ACACB: variants seen among roughly 807,000 people sequenced by gnomAD.
ACACB encodes acetyl-CoA carboxylase 2.
ACACB carries 209 observed loss-of-function variants against 278.8 expected under a neutral mutation model. The ratio of observed to expected loss-of-function variants is 0.75; its 90% CI spans 0.67 to 0.84. The LOEUF is 0.84. Ranked by LOEUF, ACACB falls within the 40% of genes least tolerant of loss-of-function variation. The pLI, the probability that ACACB is intolerant of heterozygous loss-of-function variation, is 0.00. For synonymous variants in ACACB, 1,174 were observed against 1,285.6 expected (o/e 0.91, Z 1.86); for missense variants, 2,850 against 3,269.0 (o/e 0.87, Z 3.13).
At position 109,144,750 on chromosome 12, in the gene ACACB, C is replaced by CTTTTTTTTTTT. The variant is rs770963307; in HGVS notation, c.653+4695_653+4696insTTTTTTTTTTT. Among the ~76,000 whole-genome samples, 84 of 86,782 alleles carry CTTTTTTTTTTT rather than the reference C, an allele frequency of 9.7e-4. 3 individuals are homozygous for CTTTTTTTTTTT. The highest frequency in any genetic ancestry group is 3.9e-3 in the East Asian group (11 of 2,808). 56.9% of individuals were successfully genotyped at this position (86,782 alleles called of 152,430 possible). A position where few individuals can be genotyped will look rare whatever the true frequency, so the allele number is the denominator to read the frequency against. Reference sequence around the variant, plus strand: ...TCTTTCTTTTTCTTTTTCTTTCTTTCTTTCTTTTTTTTTTTTTTTTTTGAG... The same window carrying CTTTTTTTTTTT: ...TCTTTCTTTTTCTTTTTCTTTCTTTCTTTTTTTTTTTTTTCTTTTTTTTTTTTTTTTTTGAG... On this transcript the variant is annotated intron_variant, in intron 2 of 52. Coordinates refer to ENST00000338432, the MANE Select transcript of ACACB (RefSeq NM_001093.4).
chr12:109,179,478 A>T (rs2044390960), intron 10 of ACACB, 181 bp downstream of exon 10: 1 of 655,474 alleles, frequency 1.5e-6, no homozygotes. Flanking sequence ...CGGTCTGTGA[A>T]CTCCCCAAAT....
rs376872449 is a variant in ACACB at position 109,139,431 on chromosome 12, G to A, written c.26G>A (p.Cys9Tyr). 1.4e-5 allele frequency: 22 copies of A among 1,613,740 alleles called. No individual in the cohort carries two copies. Among genetic ancestry groups the A allele is most frequent in the African/African-American group, 8.0e-5 (6 of 74,882 alleles). The stretch of plus-strand genomic sequence containing the variant: ...ATGGTCTTGCTTCTTTGTCTATCTT[G>A]TCTGATTTTCTCCTGTCTGACCTTT... MVLLLCLS[C>Y]LIFSCLTFSW... Residue 9 changes from cysteine to tyrosine, a missense_variant, in exon 2 of 53, where the codon TGT becomes TAT. Physicochemically the swap from Cys to Tyr is radical, Grantham distance 194 (BLOSUM62 -2). Transcript: ENST00000338432.
At chr12:109,145,120 C>A (rs2043211047) in intron 2 of ACACB, among the ~76,000 whole-genome samples, 1 of 152,084 alleles carries the variant, frequency 6.6e-6, no homozygotes, top group East Asian at 2.0e-4. Flanking sequence ...ACTTTCTTAT[C>A]ATGTTGGCTC....
chr12:109,260,455 A>C, intron 47 of ACACB, 25 bp from the exon 48 acceptor site: 1 of 1,614,024 alleles, frequency 6.2e-7, no homozygotes, highest in Non-Finnish European at 8.5e-7. Context: ...AGGGCCCTGA[A>C]CTGGGAGGCT....
At chr12:109,146,966 C>T (rs2043258308) in intron 2 of ACACB, among the ~76,000 whole-genome samples, 1 of 152,118 alleles carries the variant, frequency 6.6e-6, no homozygotes, top group South Asian at 2.1e-4. Flanking sequence ...TAAGCCACTG[C>T]ACCCAGCCCC....
chr12:109,136,000 A>G (rs570504372), intron 1 of ACACB, among the ~76,000 whole-genome samples: 2 of 151,740 alleles, frequency 1.3e-5, no homozygotes, highest in South Asian at 2.1e-4. Flanking sequence ...TTTAGTAGAG[A>G]TGGGGTTTCA....
At position 109,209,335 on chromosome 12, in the gene ACACB, C is replaced by T; in HGVS notation, c.3231C>T (p.Cys1077=). 6.2e-7 allele frequency: 1 copy of T among 1,610,536 alleles called. No homozygotes were observed. The highest frequency in any genetic ancestry group is 1.1e-5 in the South Asian group (1 of 90,814). The change falls in exon 21 of 53, where the codon TGC becomes TGT. Residue 1077 remains cysteine (C), a synonymous_variant. Coordinates refer to ENST00000338432, the MANE Select transcript of ACACB (RefSeq NM_001093.4). The part of the protein sequence containing the change: ...QYASNITSVL[C]QFPSQQIATI... ...CCAGCAACATCACCTCGGTGCTGTG[C>T]CAGTTCCCCAGCCAGCAGGTGCGTG...
chr12:109,224,145 G>A (rs1484837704), intron 27 of ACACB, among the ~76,000 whole-genome samples: 1 of 152,096 alleles, frequency 6.6e-6, no homozygotes, highest in Non-Finnish European at 1.5e-5. Flanking sequence ...GCATTATTGG[G>A]TCTGCCTCAT....
intron 21 of ACACB, 151 bp downstream of exon 21, chr12:109,209,504 C>T (rs1255226503): frequency 1.3e-6 from 1 of 767,982 alleles, no homozygotes; most frequent in South Asian, 1.9e-5. Flanking sequence ...TCCTTTTGAG[C>T]CTTGTCTGCA....
At chr12:109,197,954 G>A (rs1246155644) in intron 17 of ACACB, among the ~76,000 whole-genome samples, 2 of 152,222 alleles carry the variant, frequency 1.3e-5, no homozygotes, top group South Asian at 2.1e-4. Flanking sequence ...GAGTGCAGTG[G>A]CACCATCATG....
At chr12:109,256,325 A>G (rs1451208654) in intron 45 of ACACB, 89 bp downstream of exon 45, 3 of 1,000,328 alleles carry the variant, frequency 3.0e-6, no homozygotes, top group East Asian at 2.4e-5. Context: ...TCCAGGGGCA[A>G]TTTTCTTCTT....
chr12:109,175,442 G>T (rs1414869212), intron 7 of ACACB, among the ~76,000 whole-genome samples: 3 of 152,024 alleles, frequency 2.0e-5, no homozygotes, highest in Non-Finnish European at 4.4e-5. Context: ...TCGAGACAGG[G>T]TCTCACTCTG....
At chr12:109,258,498 T>TG in intron 46 of ACACB, 134 bp downstream of exon 46, 2 of 661,282 alleles carry the variant, frequency 3.0e-6, no homozygotes, top group East Asian at 2.8e-5. Context: ...TCCCTGGCCC[T>TG]GGGGGGCTCA....
intron 27 of ACACB, among the ~76,000 whole-genome samples, chr12:109,225,559 C>A (rs543376955): frequency 1.3e-5 from 2 of 152,202 alleles, no homozygotes; most frequent in Non-Finnish European, 2.9e-5. Context: ...ATGGTGGGAA[C>A]CTTCCCCAAA....
intron 24 of ACACB, among the ~76,000 whole-genome samples, chr12:109,219,661 G>A (rs1439486471): frequency 6.6e-6 from 1 of 152,178 alleles, no homozygotes; most frequent in East Asian, 1.9e-4. Flanking sequence ...CAGAAAAAGA[G>A]AGAGTGTGTA....
At position 109,164,717 on chromosome 12, in the gene ACACB, A is replaced by ATTTT. The variant is rs36026617; in HGVS notation, c.654-2129_654-2126dup. Among the ~76,000 whole-genome samples the ATTTT allele has an allele frequency of 1.3e-4, 17 of 134,106 alleles. 1 individual carries two copies. The highest frequency in any genetic ancestry group is 9.7e-4 in the South Asian group (4 of 4,130). The allele number at this position is 134,106 out of a possible 152,430, so 88.0% of individuals were successfully genotyped here. ...GTGCCACCATGCCTAGCTAATTTAA[A>ATTTT]TTTTTTTTTTTTTTTTTTGAGATGG... On this transcript the variant is annotated intron_variant, in intron 2 of 52. Coordinates refer to ENST00000338432, the MANE Select transcript of ACACB (RefSeq NM_001093.4).
chr12:109,175,421 T>C (rs73199103), intron 7 of ACACB, among the ~76,000 whole-genome samples: 11,478 of 152,096 alleles, frequency 0.075, 1,045 homozygotes, highest in African/African-American at 0.22. Context: ...TCCTTTTTTG[T>C]TGTTTTGTTT....
chr12:109,197,818 AGT>A (rs2045194758), intron 17 of ACACB, among the ~76,000 whole-genome samples: 1 of 152,128 alleles, frequency 6.6e-6, no homozygotes, highest in Non-Finnish European at 1.5e-5. Flanking sequence ...CCAGTTAGAG[AGT>A]GGAGACTCTC....
At chr12:109,189,237 C>T (rs1306859313) in intron 13 of ACACB, among the ~76,000 whole-genome samples, 2 of 152,180 alleles carry the variant, frequency 1.3e-5, no homozygotes, top group Non-Finnish European at 2.9e-5. Context: ...ACGTGGGGCA[C>T]TTAGCCACGA....
Sources: allele counts gnomAD v4.1 joint callset (sites outside exome capture counted in the v4.1 genomes callset), GRCh38; gene constraint gnomAD v4.1.1; transcripts MANE v1.5; gene names NCBI Gene and HGNC (gene_info 2026-07-23, HGNC 2026-07-21).